Variants in MYLK3 observed in about 807,000 individuals in gnomAD.
The protein encoded by MYLK3 is myosin light chain kinase 3, also known as MLC kinase.
A neutral mutation model predicts 76.3 loss-of-function variants in MYLK3; 55 were observed. The observed-to-expected ratio is 0.72, with a 90% confidence interval of 0.58 to 0.90. MYLK3 has a LOEUF of 0.90. MYLK3 is among the 40% of genes least tolerant of loss of function. The probability of loss-of-function intolerance (pLI) is 0.00; values close to 1 mark genes in which losing one functional copy is unlikely to be tolerated. For missense variants in MYLK3, 973 were observed against 1,053.6 expected (o/e 0.92, Z 1.06); for synonymous variants, 416 against 425.4 (o/e 0.98, Z 0.27).
chr16:46,756,141 C>G (rs1052423639), intron 1 of MYLK3, among the ~76,000 whole-genome samples: 9 of 152,110 alleles, frequency 5.9e-5, no homozygotes, highest in Non-Finnish European at 1.2e-4. Flanking sequence ...AACTCCTAAG[C>G]TCAGGCAATC....
At position 46,705,134 on chromosome 16, in the gene MYLK3, CT is replaced by C. The variant is rs1226233613; in HGVS notation, c.*2569del. The C allele has an allele frequency of 6.6e-6, 1 of 152,224 alleles. No individual in the cohort carries two copies. Among genetic ancestry groups the C allele is most frequent in the African/African-American group, 2.4e-5 (1 of 41,460 alleles). The allele number at this position is 152,224 out of a possible 1,614,324, so 9.4% of individuals were successfully genotyped here. A position where few individuals can be genotyped will look rare whatever the true frequency, so the allele number is the denominator to read the frequency against. On this transcript the variant is annotated 3_prime_UTR_variant, in exon 13 of 13. Coordinates refer to ENST00000394809, the MANE Select transcript of MYLK3 (RefSeq NM_182493.3). ...ATAACCTCTCCACCTGCCTACCTCT[CT>C]GTCAAAAAGCAAGAGCCTCTGTTAC...
At chr16:46,730,908 C>T (rs1436185994) in intron 4 of MYLK3, among the ~76,000 whole-genome samples, 1 of 152,226 alleles carries the variant, frequency 6.6e-6, no homozygotes, top group Non-Finnish European at 1.5e-5. Context: ...CCCAGGTCTC[C>T]CGGCACCCAG....
intron 9 of MYLK3, among the ~76,000 whole-genome samples, chr16:46,716,400 A>G (rs1316401326): frequency 6.6e-6 from 1 of 151,666 alleles, no homozygotes; most frequent in African/African-American, 2.4e-5. Flanking sequence ...TAGCCCACAT[A>G]TATATGTATG....
exon 1 of MYLK3, chr16:46,763,111 A>G (rs1967301656): frequency 1.0e-6 from 1 of 984,462 alleles, no homozygotes; most frequent in African/African-American, 1.7e-5. Context: ...GAGATGTATA[A>G]ATATTGTTAC....
intron 2 of MYLK3, 123 bp from the exon 3 acceptor site, chr16:46,738,266 C>A (rs971678142): frequency 4.6e-6 from 4 of 874,714 alleles, no homozygotes; most frequent in Non-Finnish European, 5.0e-6. Flanking sequence ...AGACTGGAAG[C>A]AACCCAAATG....
chr16:46,738,019 G>A lies in MYLK3; in HGVS notation c.693C>T (p.Gly231=). Residue 231 remains glycine (G), a synonymous_variant, in exon 3 of 13, where the codon GGC becomes GGT. Transcript: ENST00000394809. ...VSPGQGDGVP[G]PAQAFPGHLP... ...GGTGGCCAGGGAATGCCTGGGCTGG[G>A]CCAGGAACACCATCTCCCTGGCCCG... 1 of 1,613,040 alleles carries A rather than the reference G, an allele frequency of 6.2e-7. No individual in the cohort carries two copies. Among genetic ancestry groups the A allele is most frequent in the South Asian group, 1.1e-5 (1 of 91,058 alleles).
intron 1 of MYLK3, among the ~76,000 whole-genome samples, chr16:46,762,059 CG>C (rs1456802982): frequency 4.6e-5 from 7 of 152,160 alleles, no homozygotes; most frequent in African/African-American, 1.7e-4. Flanking sequence ...TCTCAAGGAA[CG>C]AGTCTTTGAA....
chr16:46,730,757 C>T (rs114499161), intron 4 of MYLK3, 59 bp from the exon 5 acceptor site: 1 of 1,493,092 alleles, frequency 6.7e-7, no homozygotes, highest in African/African-American at 1.4e-5. Flanking sequence ...ACCTCTCGGT[C>T]ACCTGTGCCA....
At chr16:46,713,524 G>A (rs1442603391) in intron 9 of MYLK3, among the ~76,000 whole-genome samples, 1 of 152,110 alleles carries the variant, frequency 6.6e-6, no homozygotes, top group African/African-American at 2.4e-5. Flanking sequence ...TGATACATGT[G>A]TACATTGTAG....
chr16:46,740,263 A>G (rs928208659), intron 1 of MYLK3, 116 bp from the exon 2 acceptor site: 42 of 729,476 alleles, frequency 5.8e-5, no homozygotes, highest in South Asian at 1.3e-4. Flanking sequence ...ATTACTTCAC[A>G]CAGTCTCACA....
chr16:46,741,720 A>G (rs1446251641), intron 1 of MYLK3, among the ~76,000 whole-genome samples: 1 of 151,886 alleles, frequency 6.6e-6, no homozygotes, highest in Non-Finnish European at 1.5e-5. Flanking sequence ...GCCCTTAATT[A>G]GAAGCCCAGA....
intron 3 of MYLK3, among the ~76,000 whole-genome samples, chr16:46,736,926 C>A (rs1966871146): frequency 6.6e-6 from 1 of 152,176 alleles, no homozygotes; most frequent in Non-Finnish European, 1.5e-5. Flanking sequence ...CATCTGCCTG[C>A]CGAGAGCAGG....
At chr16:46,753,674 G>A (rs1967158849) in intron 1 of MYLK3, among the ~76,000 whole-genome samples, 1 of 152,194 alleles carries the variant, frequency 6.6e-6, no homozygotes, top group Non-Finnish European at 1.5e-5. Context: ...ACTTTGGGAG[G>A]CCAGGGTGGG....
chr16:46,757,607 G>C, intron 1 of MYLK3: 1 of 985,232 alleles, frequency 1.0e-6, no homozygotes, highest in Admixed American at 6.1e-5. Context: ...GGGCTGGCTG[G>C]CCAGGATGAT....
chr16:46,743,357 C>T (rs1298698118), intron 1 of MYLK3, among the ~76,000 whole-genome samples: 1 of 152,202 alleles, frequency 6.6e-6, no homozygotes, highest in Non-Finnish European at 1.5e-5. Context: ...AACACAGTCC[C>T]CAAGAAGCCT....
intron 2 of MYLK3, 78 bp downstream of exon 2, chr16:46,739,979 T>C: frequency 9.9e-7 from 1 of 1,009,368 alleles, no homozygotes; most frequent in South Asian, 1.5e-5. Flanking sequence ...AATCATACTG[T>C]GGGCCGTGTT....
rs1966591349 is a variant in MYLK3 at position 46,702,994 on chromosome 16, G to C, written c.*4710C>G. Among the ~76,000 whole-genome samples the C allele has an allele frequency of 5.0e-5, 7 of 140,498 alleles. 1 individual carries two copies. Among genetic ancestry groups the C allele is most frequent in the Admixed American group, 5.0e-4 (7 of 14,080 alleles). The allele number at this position is 140,498 out of a possible 152,430, so 92.2% of individuals were successfully genotyped here. On this transcript the variant is annotated 3_prime_UTR_variant, in exon 13 of 13. Transcript: ENST00000394809. ...AAAAAAGATTCAAAAGGTTCAGAAA[G>C]ATAAATGAAAAGTGGAATTCCCCCT...
intron 1 of MYLK3, among the ~76,000 whole-genome samples, chr16:46,753,862 G>C (rs988234279): frequency 6.6e-6 from 1 of 152,168 alleles, no homozygotes; most frequent in Non-Finnish European, 1.5e-5. Flanking sequence ...GCAGCGAACT[G>C]TGTTTGTGCC....
chr16:46,756,856 A>C (rs1363727485), intron 1 of MYLK3, among the ~76,000 whole-genome samples: 2 of 152,206 alleles, frequency 1.3e-5, no homozygotes, highest in Non-Finnish European at 2.9e-5. Flanking sequence ...TAAGTCCACG[A>C]AAATGGCAGC....
Sources: gnomAD v4.1 joint callset for allele counts (sites outside exome capture counted in the v4.1 genomes callset) on GRCh38, gnomAD v4.1.1 for gene constraint, MANE v1.5 for transcripts, NCBI Gene and HGNC (gene_info 2026-07-23, HGNC 2026-07-21) for gene names.